The following FSTL4 variants were observed in gnomAD, a reference collection of about 807,000 sequenced individuals.
The protein encoded by FSTL4 is follistatin-related protein 4.
FSTL4 carries 28 observed loss-of-function variants against 78.2 expected under a neutral mutation model. The ratio of observed to expected loss-of-function variants is 0.36; its 90% confidence interval spans 0.27 to 0.49. The LOEUF is 0.49. Ranked by LOEUF, FSTL4 falls within the 20% of genes least tolerant of loss-of-function variation. The pLI, the probability that FSTL4 is intolerant of heterozygous loss-of-function variation, is 0.98. For missense variants in FSTL4, 922 were observed against 1,084.9 expected (o/e 0.85, Z 2.11); for synonymous variants, 422 against 440.5 (o/e 0.96, Z 0.53).
intron 6 of FSTL4, among the ~76,000 whole-genome samples, chr5:133,261,222 G>A (rs942544006): frequency 6.6e-6 from 1 of 152,134 alleles, no homozygotes; most frequent in Non-Finnish European, 1.5e-5. Context: ...CATGGTTCCC[G>A]AATGTCACCA....
At chr5:133,267,424 G>A (rs1047691491) in intron 6 of FSTL4, among the ~76,000 whole-genome samples, 6 of 152,236 alleles carry the variant, frequency 3.9e-5, no homozygotes, top group Middle Eastern at 3.4e-3. Flanking sequence ...ATCCACAGCC[G>A]CATAAGCCCC....
the FSTL4 span, among the ~76,000 whole-genome samples, chr5:133,840,056 A>C: frequency 6.6e-6 from 1 of 152,180 alleles, no homozygotes; most frequent in Non-Finnish European, 1.5e-5. Flanking sequence ...AGAAACAAGG[A>C]GAAAGGGACA....
chr5:133,778,022 G>T, the FSTL4 span, among the ~76,000 whole-genome samples: 1 of 152,202 alleles, frequency 6.6e-6, no homozygotes, highest in Non-Finnish European at 1.5e-5. Flanking sequence ...GAAAACTGGG[G>T]GTCTCAGCTT....
At chr5:133,215,663 T>G (rs1309782736) in intron 13 of FSTL4, among the ~76,000 whole-genome samples, 2 of 152,226 alleles carry the variant, frequency 1.3e-5, no homozygotes, top group African/African-American at 4.8e-5. Flanking sequence ...ACAACACATT[T>G]ATTCTCTTAC....
At chr5:133,569,107 T>C (rs1405379126) in intron 2 of FSTL4, among the ~76,000 whole-genome samples, 2 of 152,194 alleles carry the variant, frequency 1.3e-5, no homozygotes, top group African/African-American at 2.4e-5. Context: ...ATATTTTTTA[T>C]ATTTATTTTA....
chr5:133,445,500 C>T (rs1285509991), intron 3 of FSTL4, among the ~76,000 whole-genome samples: 1 of 152,330 alleles, frequency 6.6e-6, no homozygotes, highest in East Asian at 1.9e-4. Flanking sequence ...GCCCTGACAC[C>T]TGGCTGCAGT....
At chr5:133,694,414 A>G in the FSTL4 span, among the ~76,000 whole-genome samples, 1 of 152,232 alleles carries the variant, frequency 6.6e-6, no homozygotes, top group Non-Finnish European at 1.5e-5. Flanking sequence ...AATCAACAAC[A>G]TTCACCCACA....
intron 2 of FSTL4, among the ~76,000 whole-genome samples, chr5:133,600,654 C>A (rs74971777): frequency 6.6e-6 from 1 of 152,138 alleles, no homozygotes; most frequent in African/African-American, 2.4e-5. Context: ...TTAACACTTG[C>A]TATAATTGCT....
intron 4 of FSTL4, among the ~76,000 whole-genome samples, chr5:133,319,244 TG>T (rs1291866815): frequency 3.3e-5 from 5 of 152,174 alleles, no homozygotes; most frequent in Non-Finnish European, 7.4e-5. Flanking sequence ...GTCAATCATC[TG>T]GGGGAAAGGG....
chr5:133,805,098 C>T, the FSTL4 span, among the ~76,000 whole-genome samples: 1 of 151,926 alleles, frequency 6.6e-6, no homozygotes, highest in Non-Finnish European at 1.5e-5. Flanking sequence ...GAATCCCTCT[C>T]TTGGCCTCCT....
intron 3 of FSTL4, among the ~76,000 whole-genome samples, chr5:133,456,170 T>C (rs927538467): frequency 6.6e-6 from 1 of 152,156 alleles, no homozygotes; most frequent in African/African-American, 2.4e-5. Flanking sequence ...TTGGAGGAGC[T>C]CCTCAGGGTC....
chr5:133,794,045 C>T, the FSTL4 span, among the ~76,000 whole-genome samples: 6 of 152,314 alleles, frequency 3.9e-5, no homozygotes, highest in South Asian at 8.3e-4. Context: ...CCTGGGGAGC[C>T]GCTTGCCCTT....
chr5:133,227,993 G>A (rs527333084), intron 8 of FSTL4, among the ~76,000 whole-genome samples: 9 of 152,268 alleles, frequency 5.9e-5, no homozygotes, highest in East Asian at 3.9e-4. Context: ...TTGGGAGGCC[G>A]AGGTGGGCAG....
At chr5:133,721,399 T>C in the FSTL4 span, among the ~76,000 whole-genome samples, 1 of 152,238 alleles carries the variant, frequency 6.6e-6, no homozygotes, top group Non-Finnish European at 1.5e-5. Flanking sequence ...ATATTCATGA[T>C]GGTAATTATT....
chr5:133,262,356 T>C (rs1035637443), intron 6 of FSTL4, among the ~76,000 whole-genome samples: 9 of 152,192 alleles, frequency 5.9e-5, no homozygotes, highest in Non-Finnish European at 1.3e-4. Flanking sequence ...GCTGCACACT[T>C]GAGTGCCTTT....
chr5:133,825,921 C>T, the FSTL4 span, among the ~76,000 whole-genome samples: 1 of 152,236 alleles, frequency 6.6e-6, no homozygotes, highest in Admixed American at 6.5e-5. Flanking sequence ...GCACTCAGAA[C>T]CCATCCCCGG....
chr5:133,433,699 G>A (rs1442129737), intron 3 of FSTL4, among the ~76,000 whole-genome samples: 1 of 152,178 alleles, frequency 6.6e-6, no homozygotes, highest in Non-Finnish European at 1.5e-5. Flanking sequence ...GTAAAGTCAG[G>A]GTGGCAACTC....
At chr5:133,732,757 C>T in the FSTL4 span, among the ~76,000 whole-genome samples, 1 of 152,184 alleles carries the variant, frequency 6.6e-6, no homozygotes, top group Non-Finnish European at 1.5e-5. Context: ...GAATTGAGAG[C>T]CCAGGCCTGC....
chr5:133,373,284 G>A (rs989214187), intron 4 of FSTL4, among the ~76,000 whole-genome samples: 27 of 152,196 alleles, frequency 1.8e-4, no homozygotes, highest in Non-Finnish European at 3.2e-4. Flanking sequence ...GAGCTGACAT[G>A]ACACCACCAG....
Sources: allele counts gnomAD v4.1 joint callset (sites outside exome capture counted in the v4.1 genomes callset), GRCh38; gene constraint gnomAD v4.1.1; transcripts MANE v1.5; gene names NCBI Gene and HGNC (gene_info 2026-07-23, HGNC 2026-07-21).